Variants in UST observed in about 807,000 individuals in gnomAD.
UST encodes uronyl 2-sulfotransferase, also known as chondroitin sulfate 2-O-sulfotransferase.
Under a neutral mutation model 45.6 loss-of-function variants are expected in UST, and 21 were observed. The observed-to-expected ratio is 0.46, with a 90% CI of 0.33 to 0.66. The LOEUF (loss-of-function observed/expected upper bound fraction) is 0.66, where lower values mean the gene tolerates loss of function less well. Among genes scored for constraint, UST ranks in the 30% least tolerant of loss-of-function variants. The probability of loss-of-function intolerance (pLI) is 0.02; values close to 1 mark genes in which losing one functional copy is unlikely to be tolerated. For synonymous variants in UST, 215 were observed against 200.6 expected, an observed-to-expected ratio of 1.07 and a Z score of -0.61; for missense variants, 463 against 512.4, an observed-to-expected ratio of 0.90 and a Z score of 0.93.
intron 5 of UST, among the ~76,000 whole-genome samples, chr6:148,989,575 C>T (rs1317476304): frequency 6.6e-6 from 1 of 152,204 alleles, no homozygotes; most frequent in Non-Finnish European, 1.5e-5. Context: ...AGTATCTGTT[C>T]TACCAACTGC....
rs1440477560 is a variant in UST, at chr6:148,848,293, C to T, written c.248-38693C>T. ...CTGCCCTGACCATGGTATAGTTATT[C>T]TACCCATTCTTGGTTGTTAAAAAAA... On this transcript the variant is annotated intron_variant, in intron 1 of 7. Coordinates refer to ENST00000367463, the MANE Select transcript of UST (RefSeq NM_005715.3). 2.0e-5 allele frequency among the ~76,000 whole-genome samples: 3 copies of T among 152,264 alleles called. No homozygotes were observed. The South Asian group carries it at 6.2e-4, about 32-fold the overall frequency.
chr6:148,947,037 A>G lies in UST; in HGVS notation c.447+5603A>G, dbSNP rs1156409836. 4.6e-5 allele frequency among the ~76,000 whole-genome samples: 7 copies of G among 151,782 alleles called. No individual in the cohort carries two copies. The Admixed American group carries it at 4.6e-4, about 10-fold the overall frequency. ...TTGCCCCATGTTAGAAGGAGGAATA[A>G]GTGTGTACAGGAATCTGATTAAAAT... On this transcript the variant is annotated intron_variant, in intron 3 of 7. Coordinates refer to ENST00000367463, the MANE Select transcript of UST (RefSeq NM_005715.3).
intron 5 of UST, chr6:148,992,891 A>G (rs1166936650): frequency 1.6e-6 from 1 of 611,518 alleles, no homozygotes; most frequent in Non-Finnish European, 2.0e-6. Context: ...TGAAGTCTAC[A>G]GACCTCTTCT....
chr6:149,070,207 T>G (rs1776798938), intron 7 of UST, among the ~76,000 whole-genome samples: 1 of 152,234 alleles, frequency 6.6e-6, no homozygotes, highest in African/African-American at 2.4e-5. Context: ...AGAATTATTT[T>G]TCCTCTGCCT....
At chr6:148,916,632 T>C (rs1341462109) in intron 2 of UST, among the ~76,000 whole-genome samples, 1 of 152,170 alleles carries the variant, frequency 6.6e-6, no homozygotes, top group African/African-American at 2.4e-5. Context: ...CTGCCGCTCC[T>C]TCATGTCCTC....
intron 1 of UST, among the ~76,000 whole-genome samples, chr6:148,759,988 G>C (rs754332799): frequency 6.6e-6 from 1 of 152,020 alleles, no homozygotes; most frequent in South Asian, 2.1e-4. Context: ...TGCTGAAAGA[G>C]ACAAGAGGTC....
At chr6:148,755,219 T>C (rs1249963476) in intron 1 of UST, among the ~76,000 whole-genome samples, 4 of 152,218 alleles carry the variant, frequency 2.6e-5, no homozygotes, top group Non-Finnish European at 5.9e-5. Context: ...TCTCATGAAA[T>C]TGGAATTCAT....
At chr6:148,966,103 G>A (rs1197113541) in intron 5 of UST, among the ~76,000 whole-genome samples, 1 of 151,768 alleles carries the variant, frequency 6.6e-6, no homozygotes, top group Non-Finnish European at 1.5e-5. Context: ...GCATGCCTGT[G>A]ATCCCAGCGA....
chr6:148,873,428 G>T (rs192011348), intron 1 of UST, among the ~76,000 whole-genome samples: 1 of 152,260 alleles, frequency 6.6e-6, no homozygotes, highest in East Asian at 1.9e-4. Context: ...GCAGCCCTTT[G>T]TCCTCGATGG....
intron 1 of UST, among the ~76,000 whole-genome samples, chr6:148,750,167 A>G (rs1775962315): frequency 6.6e-6 from 1 of 152,226 alleles, no homozygotes; most frequent in Non-Finnish European, 1.5e-5. Flanking sequence ...AATTTTCCAA[A>G]TCAAAATATG....
chr6:149,047,110 G>A (rs1230825269), intron 7 of UST, among the ~76,000 whole-genome samples: 1 of 152,122 alleles, frequency 6.6e-6, no homozygotes, highest in African/African-American at 2.4e-5. Context: ...ACATCCTGTG[G>A]CACATTCCCA....
At chr6:148,876,454 A>G (rs1778652736) in intron 1 of UST, among the ~76,000 whole-genome samples, 1 of 152,200 alleles carries the variant, frequency 6.6e-6, no homozygotes, top group South Asian at 2.1e-4. Flanking sequence ...TTAAACATCA[A>G]GAAAATTAAG....
chr6:148,985,428 C>T (rs1406757720), intron 5 of UST, among the ~76,000 whole-genome samples: 1 of 151,970 alleles, frequency 6.6e-6, no homozygotes, highest in African/African-American at 2.4e-5. Flanking sequence ...ACAAGAGTCC[C>T]AGGAAGAGTA....
chr6:148,787,236 T>C (rs900062159), intron 1 of UST, among the ~76,000 whole-genome samples: 2 of 152,258 alleles, frequency 1.3e-5, no homozygotes, highest in Non-Finnish European at 1.5e-5. Flanking sequence ...TTTTTGCTTT[T>C]GTTGTCTTCA....
intron 3 of UST, 139 bp downstream of exon 3, chr6:148,941,573 G>C: frequency 9.7e-7 from 1 of 1,031,758 alleles, no homozygotes. Flanking sequence ...TTTTGCCAGA[G>C]TGTGGAAGGA....
At chr6:149,003,960 T>C (rs910553338) in intron 5 of UST, among the ~76,000 whole-genome samples, 8 of 152,234 alleles carry the variant, frequency 5.3e-5, no homozygotes, top group African/African-American at 1.4e-4. Flanking sequence ...CACGCTTTGC[T>C]GGAAATGCCT....
At chr6:148,889,084 C>T (rs969806431) in intron 2 of UST, among the ~76,000 whole-genome samples, 12 of 152,356 alleles carry the variant, frequency 7.9e-5, no homozygotes, top group African/African-American at 2.4e-4. Flanking sequence ...TAGCTTGCAT[C>T]GAAAGTACCT....
intron 1 of UST, among the ~76,000 whole-genome samples, chr6:148,860,499 C>A (rs866778411): frequency 2.4e-4 from 36 of 152,156 alleles, no homozygotes; most frequent in African/African-American, 8.0e-4. Context: ...CTTTCTCCTG[C>A]CTGATTGCCC....
rs188763660 is a variant in UST at position 148,764,633 on chromosome 6, C to G, written c.247+16956C>G. Among the ~76,000 whole-genome samples, 6 of 152,216 alleles carry G rather than the reference C, an allele frequency of 3.9e-5. 1 individual carries two copies. The South Asian group carries it at 1.2e-3, about 32-fold the overall frequency. ...GGTGTCCGGAGGAGACATCACATGT[C>G]GGCAGGTTCCATGATGCCCCCTGAG... On this transcript the variant is annotated intron_variant, in intron 1 of 7. Coordinates refer to ENST00000367463, the MANE Select transcript of UST (RefSeq NM_005715.3).
Sources: gnomAD v4.1 joint callset for allele counts (sites outside exome capture counted in the v4.1 genomes callset) on GRCh38, gnomAD v4.1.1 for gene constraint, MANE v1.5 for transcripts, NCBI Gene and HGNC (gene_info 2026-07-23, HGNC 2026-07-21) for gene names.